The following MROH1 variants were observed in gnomAD, a reference collection of about 807,000 sequenced individuals.
MROH1 encodes the protein maestro heat like repeat family member 1.
MROH1 carries 117 observed loss-of-function variants against 116.5 expected under a neutral mutation model. That is an observed-to-expected ratio of 1.00 (90% CI 0.86 to 1.17). The LOEUF (loss-of-function observed/expected upper bound fraction) is 1.17, where lower values mean the gene tolerates loss of function less well. MROH1 is among the 50% of genes most tolerant of loss of function. The pLI is 0.00. For missense variants in MROH1, 1,873 were observed against 1,338.5 expected (o/e 1.40, Z -6.23); for synonymous variants, 921 against 583.9 (o/e 1.58, Z -8.32).
chr8:144,260,761 C>T lies in MROH1; in HGVS notation c.4465C>T (p.Leu1489=). 1 of 779,220 alleles carries T rather than the reference C, an allele frequency of 1.3e-6. No individual in the cohort carries two copies. Among genetic ancestry groups the T allele is most frequent in the Non-Finnish European group, 2.4e-6 (1 of 417,796 alleles). The allele number at this position is 779,220 out of a possible 1,614,324, so 48.3% of individuals were successfully genotyped here. ...CCACGGAGACTGTGAGGACGTCTTCCTGGACCAGGTGGTGGGCGGGCTGGC... is the reference window on the plus strand; with the variant it reads ...CCACGGAGACTGTGAGGACGTCTTCTTGGACCAGGTGGTGGGCGGGCTGGC... ...VCHGDCEDVF[L]DQVVGGLAPL... Residue 1489 remains leucine (L), a synonymous_variant, in exon 40 of 44, where the codon CTG becomes TTG. Transcript: ENST00000326134.
At chr8:144,234,211 G>A (rs183006466) in intron 14 of MROH1, among the ~76,000 whole-genome samples, 2 of 152,014 alleles carry the variant, frequency 1.3e-5, no homozygotes, top group South Asian at 2.1e-4. Flanking sequence ...GGGTTTCACC[G>A]TGTTAGCCAG....
At chr8:144,159,409 T>G (rs183703548) in intron 1 of MROH1, among the ~76,000 whole-genome samples, 579 of 152,304 alleles carry the variant, frequency 3.8e-3, no homozygotes, top group Non-Finnish European at 5.8e-3. Context: ...GCAATTTAGA[T>G]TGGTCTATTG....
intron 11 of MROH1, among the ~76,000 whole-genome samples, chr8:144,199,935 C>T (rs2131799714): frequency 6.6e-6 from 1 of 152,314 alleles, no homozygotes; most frequent in South Asian, 2.1e-4. Context: ...CCAGAGCCCA[C>T]CTGGAATGGG....
intron 37 of MROH1, 130 bp from the exon 38 acceptor site, chr8:144,259,781 C>T (rs1417454176): frequency 1.3e-5 from 9 of 693,606 alleles, no homozygotes; most frequent in South Asian, 1.5e-5. Context: ...ATCGGAGACC[C>T]AGGGAGTAGG....
rs144970214 is a variant in MROH1, at chr8:144,186,288, A to G, written c.563-4496A>G. Among the ~76,000 whole-genome samples, 1,255 of 151,866 alleles carry G rather than the reference A, an allele frequency of 8.3e-3. 33 individuals are homozygous for G. Among genetic ancestry groups the G allele is most frequent in the African/African-American group, 0.028 (1,176 of 41,426 alleles). On this transcript the variant is annotated intron_variant, in intron 7 of 43. Transcript: ENST00000326134. ...AGGTGCCCGCCACCACACCCAGCTA[A>G]TTTTTGTATTTTTAGTAGAGACGGG... is the stretch of plus-strand genomic sequence containing the variant.
rs186813655 is a variant in MROH1 at position 144,180,212 on chromosome 8, G to C, written c.335G>C (p.Gly112Ala). ...LVWDWQQAAS[G>A]VLVAVGRQFI... ...TGGGACTGGCAGCAGGCGGCGAGTG[G>C]CGTCCTGGTGGCCGTGGGAAGACAG... The change falls in exon 6 of 44, where the codon GGC becomes GCC. Residue 112 changes from glycine to alanine, a missense_variant. Physicochemically the swap from Gly to Ala is moderately conservative, Grantham distance 60 (BLOSUM62 0). Transcript: ENST00000326134. The surrounding 1 kb of genome is among the most constrained non-coding windows in gnomAD (Gnocchi z 7.4). 586 of 1,613,874 alleles carry C rather than the reference G, an allele frequency of 3.6e-4. 3 individuals carry two copies. In the African/African-American group the frequency reaches 7.0e-3, roughly 19 times the overall value.
intron 4 of MROH1, among the ~76,000 whole-genome samples, chr8:144,177,805 C>T (rs1824404778): frequency 6.6e-6 from 1 of 152,120 alleles, no homozygotes. Flanking sequence ...CTCTGTCTTC[C>T]TCCTGCTCAG....
chr8:144,241,050 T>C lies in MROH1; in HGVS notation c.1994T>C (p.Val665Ala). The C allele has an allele frequency of 1.0e-5, 8 of 776,130 alleles. No homozygotes were observed. The highest frequency in any genetic ancestry group is 2.4e-6 in the Non-Finnish European group (1 of 415,972). 48.1% of individuals were successfully genotyped at this position (776,130 alleles called of 1,614,324 possible). A position where few individuals can be genotyped will look rare whatever the true frequency, so the allele number is the denominator to read the frequency against. Residue 665 changes from valine to alanine, a missense_variant, in exon 21 of 44, where the codon GTG becomes GCG. Physicochemically the swap from Val to Ala is moderately conservative, Grantham distance 64 (BLOSUM62 0). Transcript: ENST00000326134. The stretch of plus-strand genomic sequence containing the variant: ...GGTGCTGCTTCAAGTAAGGAGGTGG[T>C]GAGGAAGCACCTTCAAGAGCTGCTG... ...TLGAASSKEV[V>A]RKHLQELLET...
In MROH1 at chr8:144,180,354, G is replaced by T. The variant is rs765542909; in HGVS notation, c.463+14G>T. 1.9e-6 allele frequency: 3 copies of T among 1,607,240 alleles called. No homozygotes were observed. The highest frequency in any genetic ancestry group is 2.2e-5 in the South Asian group (2 of 90,878). The stretch of plus-strand genomic sequence containing the variant: ...CGGTGGCCAACGGTAGGTGACGCGC[G>T]GCCTGCCCCAGGAGGAGCACGGGGC... On this transcript the variant is annotated intron_variant, in intron 6 of 43. Transcript: ENST00000326134. This position sits in a 1 kb window ranked among gnomAD's most constrained non-coding sequence, Gnocchi z 7.4.
At chr8:144,248,102 C>A (rs1311360075) in intron 31 of MROH1, among the ~76,000 whole-genome samples, 1 of 152,206 alleles carries the variant, frequency 6.6e-6, no homozygotes, top group African/African-American at 2.4e-5. Flanking sequence ...AGGGTCATCG[C>A]CTGCAGGGTG....
At chr8:144,258,986 AG>A (rs1844452144) in intron 36 of MROH1, 72 bp downstream of exon 36, 3 of 663,684 alleles carry the variant, frequency 4.5e-6, no homozygotes, top group Non-Finnish European at 8.3e-6. Context: ...AGAACATGAC[AG>A]GATCAGGCGG....
intron 3 of MROH1, among the ~76,000 whole-genome samples, chr8:144,167,104 C>G (rs1239090215): frequency 6.6e-6 from 1 of 152,316 alleles, no homozygotes; most frequent in Middle Eastern, 3.4e-3. Context: ...TCGTTGGCAG[C>G]CTGGGTGTGG....
chr8:144,258,965 A>T (rs915324036), intron 36 of MROH1, 51 bp downstream of exon 36: 33 of 684,630 alleles, frequency 4.8e-5, no homozygotes, highest in Non-Finnish European at 5.4e-6. Context: ...GCTCCACCGG[A>T]TCTCGAGCCC....
intron 4 of MROH1, among the ~76,000 whole-genome samples, chr8:144,177,776 GC>G (rs1824383393): frequency 6.6e-6 from 1 of 151,944 alleles, no homozygotes; most frequent in East Asian, 1.9e-4. Context: ...AAAGCATGTG[GC>G]TTCTTCTCTT....
rs971778877 is a variant in MROH1 at position 144,247,589 on chromosome 8, T to C, written c.3030T>C (p.Asp1010=). 2.8e-3 allele frequency: 2,157 copies of C among 774,314 alleles called. 3 individuals are homozygous for C. Among genetic ancestry groups the C allele is most frequent in the Admixed American group, 4.6e-3 (271 of 58,898 alleles). 48.0% of individuals were successfully genotyped at this position (774,314 alleles called of 1,614,324 possible). Residue 1010 remains aspartate (D), a synonymous_variant, in exon 31 of 44, where the codon GAT becomes GAC. Transcript: ENST00000326134. ...CAGGCTTCTCCCGGGACTACCGCGA[T>C]GACGTGGCGGAGCGGCTCCTCAGCC... is the stretch of plus-strand genomic sequence containing the variant. ...GYEGFSRDYR[D]DVAERLLSLK...
chr8:144,237,054 C>T (rs970109272), intron 14 of MROH1, among the ~76,000 whole-genome samples: 26 of 151,586 alleles, frequency 1.7e-4, no homozygotes, highest in African/African-American at 4.1e-4. Flanking sequence ...TACAGGCGCC[C>T]GCCACCACGC....
intron 14 of MROH1, among the ~76,000 whole-genome samples, chr8:144,227,726 G>A (rs1023899265): frequency 6.6e-6 from 1 of 152,130 alleles, no homozygotes; most frequent in Non-Finnish European, 1.5e-5. Context: ...AAGGCAGGAG[G>A]ATCACTTGAG....
intron 1 of MROH1, among the ~76,000 whole-genome samples, chr8:144,154,893 A>G (rs1428915602): frequency 2.6e-5 from 4 of 151,858 alleles, no homozygotes; most frequent in African/African-American, 9.7e-5. Context: ...ATCTCAGCTC[A>G]CTGCAACCTC....
chr8:144,187,148 C>T (rs748387779), intron 7 of MROH1, among the ~76,000 whole-genome samples: 13 of 151,612 alleles, frequency 8.6e-5, no homozygotes, highest in Admixed American at 4.6e-4. Context: ...TGGTGGCCTA[C>T]GCCTGTAATC....
Sources: gnomAD v4.1 joint callset for allele counts (sites outside exome capture counted in the v4.1 genomes callset) on GRCh38, gnomAD v4.1.1 for gene constraint, Gnocchi (gnomAD v3.1) non-coding constraint, MANE v1.5 for transcripts, NCBI Gene and HGNC (gene_info 2026-07-23, HGNC 2026-07-21) for gene names.